Variants in GARNL3 observed in about 807,000 individuals in gnomAD.
The protein encoded by GARNL3 is GTPase-activating Rap/Ran-GAP domain-like protein 3.
Under a neutral mutation model 125.0 loss-of-function variants are expected in GARNL3, and 63 were observed. That is an observed-to-expected ratio of 0.50 (90% CI 0.41 to 0.62). The LOEUF (loss-of-function observed/expected upper bound fraction) is 0.62, where lower values mean the gene tolerates loss of function less well. Ranked by LOEUF, GARNL3 falls within the 20% of genes least tolerant of loss-of-function variation. The pLI is 0.00. For synonymous variants in GARNL3, 439 were observed against 457.5 expected (o/e 0.96, Z 0.52); for missense variants, 994 against 1,244.0 (o/e 0.80, Z 3.02).
chr9:127,227,311 A>G (rs1049227516), intron 1 of GARNL3, among the ~76,000 whole-genome samples: 10 of 152,178 alleles, frequency 6.6e-5, no homozygotes, highest in African/African-American at 2.4e-4. Context: ...CTATAAAACT[A>G]ATTTGTGGGC....
At chr9:127,355,625 G>C (rs1205034385) in intron 20 of GARNL3, among the ~76,000 whole-genome samples, 153 bp downstream of exon 20, 3 of 152,196 alleles carry the variant, frequency 2.0e-5, no homozygotes, top group Non-Finnish European at 4.4e-5. Context: ...GTTTCCCCCA[G>C]AAGACTAAAG....
At chr9:127,339,609 A>G in intron 12 of GARNL3, 36 bp from the exon 13 acceptor site, 1 of 1,442,796 alleles carries the variant, frequency 6.9e-7, no homozygotes, top group Non-Finnish European at 9.8e-7. Flanking sequence ...AACCATATCA[A>G]GTGCTAATAT....
intron 1 of GARNL3, among the ~76,000 whole-genome samples, chr9:127,229,782 C>T (rs1247438072): frequency 6.6e-6 from 1 of 152,226 alleles, no homozygotes; most frequent in Non-Finnish European, 1.5e-5. Flanking sequence ...AGGCTTGAGC[C>T]ACCATACCCA....
intron 6 of GARNL3, 76 bp from the exon 7 acceptor site, chr9:127,324,993 C>A: frequency 7.1e-7 from 1 of 1,415,820 alleles, no homozygotes; most frequent in South Asian, 1.2e-5. Flanking sequence ...CAAACCAAAG[C>A]TTGGCTTTCA....
At chr9:127,245,587 C>CAG (rs1300064581) in intron 2 of GARNL3, among the ~76,000 whole-genome samples, 1 of 152,194 alleles carries the variant, frequency 6.6e-6, no homozygotes, top group South Asian at 2.1e-4. Context: ...GCAAGGCAGC[C>CAG]AGAGATTGGG....
intron 2 of GARNL3, among the ~76,000 whole-genome samples, chr9:127,293,381 G>A (rs1311727781): frequency 1.3e-5 from 2 of 151,994 alleles, no homozygotes; most frequent in African/African-American, 4.8e-5. Flanking sequence ...ATATATGATT[G>A]GGAAAAGTTT....
intron 2 of GARNL3, among the ~76,000 whole-genome samples, chr9:127,293,941 G>A (rs1277894523): frequency 6.6e-6 from 1 of 152,138 alleles, no homozygotes; most frequent in Non-Finnish European, 1.5e-5. Flanking sequence ...CTGGCTTGTG[G>A]TCACCACACC....
rs368747059 is a variant in GARNL3 at position 127,333,107 on chromosome 9, G to A, written c.755G>A (p.Gly252Asp). Residue 252 changes from glycine (G) to aspartate (D), a missense_variant, in exon 9 of 28, where the codon GGT (glycine) becomes GAT (aspartate). Around this residue, in one of 5 missense-constraint regions of GARNL3, gnomAD observed 71 missense variants for 66.2 expected, o/e 1.07. Coordinates refer to ENST00000373387, the MANE Select transcript of GARNL3 (RefSeq NM_032293.5). ...TLKGWTGYRG[G>D]LDTKNDTTGI... ...AAGGGCTGGACGGGCTACCGTGGCGGTCTGGATACCAAAAGTAAGCCTGCC... is the reference window on the plus strand; with the variant it reads ...AAGGGCTGGACGGGCTACCGTGGCGATCTGGATACCAAAAGTAAGCCTGCC... 6 of 1,613,532 alleles carry A rather than the reference G, an allele frequency of 3.7e-6. No individual in the cohort carries two copies. The highest frequency in any genetic ancestry group is 1.1e-5 in the South Asian group (1 of 91,048).
intron 2 of GARNL3, chr9:127,300,484 G>GT: frequency 2.5e-6 from 1 of 393,566 alleles, no homozygotes. Flanking sequence ...TTTTTTTGTT[G>GT]TTTTTTGAGA....
intron 2 of GARNL3, among the ~76,000 whole-genome samples, chr9:127,253,506 A>T (rs2063442342): frequency 6.6e-6 from 1 of 152,180 alleles, no homozygotes; most frequent in African/African-American, 2.4e-5. Flanking sequence ...TGTGAAGCTT[A>T]AATTGTAGGT....
chr9:127,340,544 G>A (rs1829809462), intron 13 of GARNL3, among the ~76,000 whole-genome samples: 1 of 151,668 alleles, frequency 6.6e-6, no homozygotes, highest in Non-Finnish European at 1.5e-5. Context: ...CATTGCAGCT[G>A]CTTTGCTGGC....
intron 1 of GARNL3, among the ~76,000 whole-genome samples, chr9:127,285,345 C>A (rs2064218923): frequency 6.6e-6 from 1 of 152,196 alleles, no homozygotes; most frequent in Admixed American, 6.5e-5. Context: ...ATCGCTCGAA[C>A]TCGGGAGGCA....
intron 22 of GARNL3, among the ~76,000 whole-genome samples, chr9:127,372,248 C>T (rs1354448406): frequency 1.3e-5 from 2 of 152,124 alleles, no homozygotes; most frequent in African/African-American, 4.8e-5. Context: ...TTGCCCATCC[C>T]CATCCCAGGA....
chr9:127,388,998 G>A lies in GARNL3; in HGVS notation c.2622G>A (p.Lys874=), dbSNP rs749111083. Residue 874 remains lysine (K), a synonymous_variant, in exon 26 of 28, where the codon AAG becomes AAA. Coordinates refer to ENST00000373387, the MANE Select transcript of GARNL3 (RefSeq NM_032293.5). ...ERPLKSPLVS[K]VITPPTPISV... is the part of the protein sequence containing the mutation. ...CTCTGAAGTCACCCTTAGTCTCCAA[G>A]GTCATCACCCCACCCACTCCCATCA... The A allele has an allele frequency of 6.2e-7, 1 of 1,613,868 alleles. No individual in the cohort carries two copies. The highest frequency in any genetic ancestry group is 8.5e-7 in the Non-Finnish European group (1 of 1,179,746).
At chr9:127,311,610 A>T in intron 2 of GARNL3, 26 bp from the exon 3 acceptor site, 2 of 1,510,318 alleles carry the variant, frequency 1.3e-6, no homozygotes, top group Non-Finnish European at 1.8e-6. Context: ...TAAGCCTCTT[A>T]ATGTCACAAC....
chr9:127,366,722 AAG>A (rs1443787094), intron 22 of GARNL3: 3 of 152,224 alleles, frequency 2.0e-5, no homozygotes, highest in Non-Finnish European at 2.9e-5. Flanking sequence ...CCCAAAGAAA[AAG>A]AGGGCATGGA....
intron 2 of GARNL3, chr9:127,300,398 T>C: frequency 2.7e-6 from 1 of 371,834 alleles, no homozygotes; most frequent in Non-Finnish European, 5.2e-6. Flanking sequence ...CTCTCTTTTG[T>C]ATTTTATTCT....
intron 1 of GARNL3, among the ~76,000 whole-genome samples, chr9:127,286,608 A>G (rs2064256539): frequency 1.3e-5 from 2 of 152,202 alleles, no homozygotes; most frequent in African/African-American, 4.8e-5. Flanking sequence ...CATGGTCACT[A>G]CATTTTGAAA....
At chr9:127,390,940 G>C (rs1168699800) in intron 27 of GARNL3, among the ~76,000 whole-genome samples, 173 bp downstream of exon 27, 1 of 152,210 alleles carries the variant, frequency 6.6e-6, no homozygotes, top group African/African-American at 2.4e-5. Flanking sequence ...CTGCCAGGGA[G>C]GGATCTAGAC....
Sources: allele counts gnomAD v4.1 joint callset (sites outside exome capture counted in the v4.1 genomes callset), GRCh38; gene constraint gnomAD v4.1.1; regional missense constraint gnomAD v4.1.1; transcripts MANE v1.5; gene names NCBI Gene and HGNC (gene_info 2026-07-23, HGNC 2026-07-21).